SLF2: variants seen among roughly 807,000 people sequenced by gnomAD.
SLF2 encodes SMC5-SMC6 complex localization factor protein 2.
Under a neutral mutation model 124.3 loss-of-function variants are expected in SLF2, and 68 were observed. The ratio of observed to expected loss-of-function variants is 0.55; its 90% CI spans 0.45 to 0.67. The LOEUF (loss-of-function observed/expected upper bound fraction) is 0.67, where lower values mean the gene tolerates loss of function less well. SLF2 is among the 30% of genes least tolerant of loss of function. The pLI is 0.00. For missense variants in SLF2, 1,246 were observed against 1,373.7 expected (o/e 0.91, Z 1.47); for synonymous variants, 480 against 478.8 (o/e 1.00, Z -0.03).
chr10:100,959,320 G>A, intron 18 of SLF2, 108 bp from the exon 19 acceptor site: 1 of 913,636 alleles, frequency 1.1e-6, no homozygotes, highest in South Asian at 2.8e-5. Context: ...AAATTGAGTT[G>A]TTGAGTGTGG....
intron 9 of SLF2, among the ~76,000 whole-genome samples, chr10:100,932,032 G>A (rs2133785298): frequency 6.6e-6 from 1 of 152,070 alleles, no homozygotes; most frequent in African/African-American, 2.4e-5. Context: ...CATGGATGGG[G>A]CTTTTTCCAG....
intron 18 of SLF2, among the ~76,000 whole-genome samples, chr10:100,957,436 C>T (rs963442134): frequency 4.1e-5 from 6 of 144,976 alleles, no homozygotes; most frequent in Non-Finnish European, 8.9e-5. Flanking sequence ...CTGCAACCCC[C>T]GCCTTCCAGG....
chr10:100,922,075 GTTTAT>G (rs1358709372), intron 4 of SLF2, among the ~76,000 whole-genome samples: 4 of 152,196 alleles, frequency 2.6e-5, no homozygotes, highest in Admixed American at 6.5e-5. Flanking sequence ...GTTTTGGCGG[GTTTAT>G]TTTATTTTAT....
chr10:100,944,774 C>T (rs1850067420), intron 12 of SLF2, among the ~76,000 whole-genome samples: 1 of 152,114 alleles, frequency 6.6e-6, no homozygotes, highest in Admixed American at 6.5e-5. Context: ...CCTGTAATCC[C>T]AGCACTTTGG....
chr10:100,917,637 C>T (rs1035854215), intron 3 of SLF2, among the ~76,000 whole-genome samples: 1 of 152,066 alleles, frequency 6.6e-6, no homozygotes, highest in Non-Finnish European at 1.5e-5. Flanking sequence ...AGTGCTATGG[C>T]GTGATCATGT....
At chr10:100,916,438 C>A (rs1026874758) in intron 2 of SLF2, 132 bp from the exon 3 acceptor site, 20 of 630,418 alleles carry the variant, frequency 3.2e-5, no homozygotes, top group Non-Finnish European at 4.4e-5. Context: ...TATCATTATC[C>A]AAGTTGTTGG....
rs374405706 is a variant in SLF2, at chr10:100,929,982, A to G, written c.2318A>G (p.Glu773Gly). ...GGTTTTATTGGACAAAGTGCTGTAG[A>G]AAAACTTATTCTTAAGTAAGTAGAA... ...DSGFIGQSAVEKLILKSGKTD... is the reference protein window; with the variant it reads ...DSGFIGQSAVGKLILKSGKTD... Residue 773 changes from glutamate to glycine, a missense_variant, in exon 8 of 20, where the codon GAA becomes GGA. Glu to Gly is a moderately conservative substitution (Grantham distance 98). This residue lies in a region of SLF2 where 535 missense variants were observed against 632.8 expected (regional missense o/e 0.85). Transcript: ENST00000238961. The G allele has an allele frequency of 3.3e-6, 5 of 1,524,542 alleles. No homozygotes were observed. Among genetic ancestry groups the G allele is most frequent in the Non-Finnish European group, 4.4e-6 (5 of 1,137,086 alleles). The allele number at this position is 1,524,542 out of a possible 1,614,324, so 94.4% of individuals were successfully genotyped here.
At chr10:100,923,892 A>G in intron 4 of SLF2, 83 bp from the exon 5 acceptor site, 3 of 1,124,804 alleles carry the variant, frequency 2.7e-6, no homozygotes, top group Non-Finnish European at 2.4e-6. Flanking sequence ...TAAACCTTTC[A>G]TTAGGGTGTT....
rs1267546607 is a variant in SLF2, at chr10:100,946,906, A to G, written c.2935-133A>G. 90 of 692,152 alleles carry G rather than the reference A, an allele frequency of 1.3e-4. 1 individual carries two copies. In the South Asian group the frequency reaches 1.4e-3, roughly 11 times the overall value. The allele number at this position is 692,152 out of a possible 1,614,324, so 42.9% of individuals were successfully genotyped here. ...TACATTTTAGCAGATTCTAGACTCC[A>G]TGCTATTTCTAAAAATGTGCTCTGT... is the stretch of plus-strand genomic sequence containing the variant. On this transcript the variant is annotated intron_variant, in intron 13 of 19. Coordinates refer to ENST00000238961, the MANE Select transcript of SLF2 (RefSeq NM_018121.4).
chr10:100,928,040 C>CA (rs1246438162), intron 6 of SLF2, among the ~76,000 whole-genome samples: 26 of 45,314 alleles, frequency 5.7e-4, no homozygotes, highest in East Asian at 2.8e-3. Flanking sequence ...CACCCCCCCC[C>CA]CCCCCCACAC....
chr10:100,923,671 C>T (rs998612820), intron 4 of SLF2, among the ~76,000 whole-genome samples: 1 of 152,118 alleles, frequency 6.6e-6, no homozygotes, highest in African/African-American at 2.4e-5. Flanking sequence ...CTATGGCATC[C>T]TTAACTTGGT....
intron 9 of SLF2, among the ~76,000 whole-genome samples, chr10:100,934,407 A>G (rs1849804940): frequency 6.6e-6 from 1 of 152,166 alleles, no homozygotes; most frequent in Non-Finnish European, 1.5e-5. Flanking sequence ...ACCCACCGCA[A>G]AAAGATTGTT....
At chr10:100,928,168 A>G (rs547342665) in intron 6 of SLF2, among the ~76,000 whole-genome samples, 78 of 151,598 alleles carry the variant, frequency 5.1e-4, no homozygotes, top group Non-Finnish European at 8.2e-4. Flanking sequence ...GGTTTTGCTA[A>G]TAAGAGGGGA....
At chr10:100,923,842 CA>C (rs1344992969) in intron 4 of SLF2, 132 bp from the exon 5 acceptor site, 1 of 616,170 alleles carries the variant, frequency 1.6e-6, no homozygotes, top group Admixed American at 3.8e-5. Flanking sequence ...TTCTGCATTC[CA>C]TATATGGTGA....
chr10:100,961,883 C>T lies in SLF2; in HGVS notation c.3493C>T (p.Leu1165Phe). 6.2e-7 allele frequency: 1 copy of T among 1,607,698 alleles called. No individual in the cohort carries two copies. The highest frequency in any genetic ancestry group is 8.5e-7 in the Non-Finnish European group (1 of 1,175,564). ...IQNCRPTQGQ[L>F]HDFWVPDS The stretch of plus-strand genomic sequence containing the variant: ...TTCTCCTTCCCTTTTTTAGGGGCAG[C>T]TTCATGACTTCTGGGTACCAGATTC... The change falls in exon 20 of 20, where the codon CTT (leucine) becomes TTT (phenylalanine). Residue 1165 changes from leucine (L) to phenylalanine (F), a missense_variant. This residue lies in a region of SLF2 where 535 missense variants were observed against 632.8 expected (regional missense o/e 0.85). Transcript: ENST00000238961.
chr10:100,952,377 A>G (rs1238213388), intron 17 of SLF2, among the ~76,000 whole-genome samples: 1 of 151,458 alleles, frequency 6.6e-6, no homozygotes, highest in Non-Finnish European at 1.5e-5. Context: ...CCCTGTCTCT[A>G]CTAAAAATAC....
intron 9 of SLF2, among the ~76,000 whole-genome samples, chr10:100,932,699 G>A (rs1008868438): frequency 3.7e-5 from 2 of 53,770 alleles, no homozygotes; most frequent in Non-Finnish European, 7.7e-5. Context: ...ATAAGTGTGT[G>A]TGTGTGTGTG....
Position 100,924,284 on chromosome 10 carries a change from T to C in SLF2, c.1283T>C (p.Val428Ala). The change falls in exon 5 of 20, where the codon GTG (valine) becomes GCG (alanine). Residue 428 changes from valine (V) to alanine (A), a missense_variant. Val to Ala is a moderately conservative substitution (Grantham distance 64). Around this residue, in one of 3 missense-constraint regions of SLF2, gnomAD observed 698 missense variants for 708.9 expected, o/e 0.98. Coordinates refer to ENST00000238961, the MANE Select transcript of SLF2 (RefSeq NM_018121.4). ...HSTRNSDQIQ[V>A]AGTKETKMQK... ...ACCAGGAATAGTGACCAAATCCAAG[T>C]GGCAGGTACCAAGGAGACTAAGATG... The C allele has an allele frequency of 6.2e-7, 1 of 1,614,172 alleles. No individual in the cohort carries two copies. The highest frequency in any genetic ancestry group is 1.6e-4 in the Middle Eastern group (1 of 6,062).
chr10:100,958,824 TAG>T (rs1850378055), intron 18 of SLF2, among the ~76,000 whole-genome samples: 2 of 152,196 alleles, frequency 1.3e-5, no homozygotes, highest in Non-Finnish European at 2.9e-5. Context: ...TCTAGAGTGA[TAG>T]AGTTTGGGTT....
Sources: gnomAD v4.1 joint callset for allele counts (sites outside exome capture counted in the v4.1 genomes callset) on GRCh38, gnomAD v4.1.1 for gene constraint, gnomAD v4.1.1 regional missense constraint, MANE v1.5 for transcripts, NCBI Gene and HGNC (gene_info 2026-07-23, HGNC 2026-07-21) for gene names.